The following LRRTM3 variants were observed in gnomAD, a reference collection of about 807,000 sequenced individuals.
The protein encoded by LRRTM3 is leucine-rich repeat transmembrane neuronal protein 3.
Under a neutral mutation model 44.7 loss-of-function variants are expected in LRRTM3, and 24 were observed. The ratio of observed to expected loss-of-function variants is 0.54; its 90% CI spans 0.39 to 0.76. LRRTM3 has a LOEUF of 0.76. LRRTM3 is among the 30% of genes least tolerant of loss of function. LRRTM3 has a pLI of 0.00. For synonymous variants in LRRTM3, 277 were observed against 278.7 expected, an observed-to-expected ratio of 0.99 and a Z score of 0.06; for missense variants, 587 against 702.2, an observed-to-expected ratio of 0.84 and a Z score of 1.85.
chr10:67,057,463 T>C (rs1855507561), intron 2 of LRRTM3, among the ~76,000 whole-genome samples: 1 of 152,168 alleles, frequency 6.6e-6, no homozygotes, highest in African/African-American at 2.4e-5. Context: ...TTCTACTCTC[T>C]GCTTCTGTGT....
intron 2 of LRRTM3, among the ~76,000 whole-genome samples, chr10:66,975,764 CCT>C (rs1849994180): frequency 6.6e-6 from 1 of 152,132 alleles, no homozygotes; most frequent in Non-Finnish European, 1.5e-5. Flanking sequence ...TTGGCTGTTT[CCT>C]CTATTTAGCA....
intron 2 of LRRTM3, among the ~76,000 whole-genome samples, chr10:67,062,036 T>C (rs1017829026): frequency 2.6e-5 from 4 of 152,144 alleles, no homozygotes; most frequent in African/African-American, 4.8e-5. Flanking sequence ...AGAAAGAACA[T>C]TGAAGAACAG....
At position 67,098,002 on chromosome 10, in the gene LRRTM3, G is replaced by T; in HGVS notation, c.*206G>T. ...ACTTTGTAATTAGCTAAGTTGTGCAGTATTTTTTGACTTAAACAGAGTATG... is the reference window on the plus strand; with the variant it reads ...ACTTTGTAATTAGCTAAGTTGTGCATTATTTTTTGACTTAAACAGAGTATG... On this transcript the variant is annotated 3_prime_UTR_variant, in exon 3 of 3. Coordinates refer to ENST00000361320, the MANE Select transcript of LRRTM3 (RefSeq NM_178011.5). 1 of 568,712 alleles carries T rather than the reference G, an allele frequency of 1.8e-6. No homozygotes were observed. Among genetic ancestry groups the T allele is most frequent in the Non-Finnish European group, 3.1e-6 (1 of 320,128 alleles). 35.2% of individuals were successfully genotyped at this position (568,712 alleles called of 1,614,324 possible).
intron 2 of LRRTM3, among the ~76,000 whole-genome samples, chr10:67,025,936 T>C (rs1023850347): frequency 6.7e-6 from 1 of 148,812 alleles, no homozygotes; most frequent in Non-Finnish European, 1.5e-5. Context: ...CCATAAAAAA[T>C]GATGAGTTCA....
chr10:67,037,388 GAA>G (rs66693044), intron 2 of LRRTM3, among the ~76,000 whole-genome samples: 8 of 145,616 alleles, frequency 5.5e-5, no homozygotes, highest in South Asian at 2.2e-4. Context: ...AAAGAAAAAA[GAA>G]AAAAAAAACA....
intron 2 of LRRTM3, among the ~76,000 whole-genome samples, chr10:67,055,708 T>C (rs1342165612): frequency 6.6e-6 from 1 of 152,032 alleles, no homozygotes; most frequent in Non-Finnish European, 1.5e-5. Context: ...TTTGTGGGAG[T>C]AAGGCTTGGG....
intron 2 of LRRTM3, among the ~76,000 whole-genome samples, chr10:66,938,369 A>T (rs921541052): frequency 5.9e-5 from 9 of 152,168 alleles, no homozygotes; most frequent in African/African-American, 2.2e-4. Flanking sequence ...AGCCTTACTG[A>T]TAATATAAAG....
chr10:67,011,483 C>A (rs1420602225), intron 2 of LRRTM3, among the ~76,000 whole-genome samples: 3 of 152,080 alleles, frequency 2.0e-5, no homozygotes, highest in Non-Finnish European at 2.9e-5. Flanking sequence ...AAGTGCTTTA[C>A]AGTGCTGCAT....
At chr10:67,031,768 A>T (rs10762128) in intron 2 of LRRTM3, among the ~76,000 whole-genome samples, 125,986 of 152,132 alleles carry the variant, frequency 0.83, 53,180 homozygotes, top group Non-Finnish European at 0.91. Context: ...GAAATGAGTG[A>T]GAATTACTCT....
intron 2 of LRRTM3, among the ~76,000 whole-genome samples, chr10:67,079,906 CACAA>C (rs1403379936): frequency 1.4e-5 from 2 of 140,278 alleles, no homozygotes; most frequent in African/African-American, 2.7e-5. Flanking sequence ...CACACACACA[CACAA>C]AGATAGTCAC....
intron 2 of LRRTM3, among the ~76,000 whole-genome samples, chr10:67,092,367 A>G (rs1258161899): frequency 1.3e-5 from 2 of 152,004 alleles, no homozygotes; most frequent in Non-Finnish European, 2.9e-5. Flanking sequence ...AACTAGAGAG[A>G]GAATTCTAGA....
At chr10:67,081,908 T>A (rs1857078421) in intron 2 of LRRTM3, among the ~76,000 whole-genome samples, 1 of 152,184 alleles carries the variant, frequency 6.6e-6, no homozygotes, top group African/African-American at 2.4e-5. Flanking sequence ...ACTAGTTATG[T>A]TTATATGCAT....
intron 2 of LRRTM3, among the ~76,000 whole-genome samples, chr10:66,945,451 G>A (rs1049735840): frequency 3.9e-5 from 6 of 152,130 alleles, no homozygotes; most frequent in African/African-American, 1.4e-4. Context: ...AAAGGATCTA[G>A]GGCTTTACTC....
intron 2 of LRRTM3, among the ~76,000 whole-genome samples, chr10:67,042,675 G>C (rs916115756): frequency 6.6e-6 from 1 of 151,970 alleles, no homozygotes; most frequent in African/African-American, 2.4e-5. Context: ...AAAGGTAAGA[G>C]TGGGGAAACT....
At chr10:67,042,832 A>T (rs1854487369) in intron 2 of LRRTM3, among the ~76,000 whole-genome samples, 1 of 152,184 alleles carries the variant, frequency 6.6e-6, no homozygotes, top group Admixed American at 6.5e-5. Flanking sequence ...GAGTTAATTT[A>T]GTTCCAATGG....
chr10:66,927,310 G>A lies in LRRTM3; in HGVS notation c.394G>A (p.Val132Met). Residue 132 changes from valine to methionine, a missense_variant, in exon 2 of 3, where the codon GTG becomes ATG. By Grantham distance (21) the Val-to-Met change is conservative. This residue lies in a region of LRRTM3 where 222 missense variants were observed against 323.3 expected (regional missense o/e 0.69). Transcript: ENST00000361320. This position sits in a 1 kb window ranked among gnomAD's most constrained non-coding sequence, Gnocchi z 4.7. ...TTTTCTTAACAATACCTTCAGACCT[G>A]TGACAAATTTACGGAACTTGGATCT... ...SYFLNNTFRP[V>M]TNLRNLDLSY... 6.2e-7 allele frequency: 1 copy of A among 1,614,116 alleles called. No homozygotes were observed.
chr10:67,075,698 G>A (rs1033649751), intron 2 of LRRTM3, among the ~76,000 whole-genome samples: 3 of 152,164 alleles, frequency 2.0e-5, no homozygotes, highest in Non-Finnish European at 4.4e-5. Flanking sequence ...ACTATTAATT[G>A]CATTGAATAT....
At chr10:67,031,097 CAT>C (rs1366987337) in intron 2 of LRRTM3, among the ~76,000 whole-genome samples, 3 of 152,168 alleles carry the variant, frequency 2.0e-5, no homozygotes, top group Non-Finnish European at 4.4e-5. Flanking sequence ...TCTGTTTTCA[CAT>C]GTTTGTAAAG....
chr10:67,032,068 T>C (rs561226758), intron 2 of LRRTM3, among the ~76,000 whole-genome samples: 1 of 152,330 alleles, frequency 6.6e-6, no homozygotes, highest in South Asian at 2.1e-4. Context: ...AGGTAGGTCA[T>C]GTACATTTCA....
Sources: gnomAD v4.1 joint callset for allele counts (sites outside exome capture counted in the v4.1 genomes callset) on GRCh38, gnomAD v4.1.1 for gene constraint, gnomAD v4.1.1 regional missense constraint, Gnocchi (gnomAD v3.1) non-coding constraint, MANE v1.5 for transcripts, NCBI Gene and HGNC (gene_info 2026-07-23, HGNC 2026-07-21) for gene names.